ATRX: variants seen among roughly 807,000 people sequenced by gnomAD.
ATRX encodes the protein ATRX chromatin remodeler.
In ATRX, 12 loss-of-function variants were observed where a neutral mutation model predicts 172.6. The observed-to-expected ratio is 0.07, with a 90% CI of 0.04 to 0.11. The LOEUF (loss-of-function observed/expected upper bound fraction) is 0.11, where lower values mean the gene tolerates loss of function less well. Ranked by LOEUF, ATRX falls within the 10% of genes least tolerant of loss-of-function variation. The probability of loss-of-function intolerance (pLI) is 1.00; values close to 1 mark genes in which losing one functional copy is unlikely to be tolerated. For missense variants in ATRX, 1,368 were observed against 1,767.4 expected (o/e 0.77, Z 4.05); for synonymous variants, 674 against 594.7 (o/e 1.13, Z -1.94).
intron 1 of ATRX, among the ~76,000 whole-genome samples, chrX:77,737,733 C>T (rs1184566198): frequency 9.1e-6 from 1 of 110,495 alleles, no homozygotes; most frequent in Non-Finnish European, 1.9e-5. Flanking sequence ...TATACACCTA[C>T]TATGTACCCA....
intron 21 of ATRX, among the ~76,000 whole-genome samples, chrX:77,617,440 A>T (rs782172018): frequency 4.5e-5 from 5 of 111,342 alleles, no homozygotes; most frequent in African/African-American, 1.3e-4. Flanking sequence ...GTCATGCCTC[A>T]GTATCTATGG....
Position 77,682,646 on chromosome X carries a change from G to A in ATRX, c.2610C>T (p.Thr870=), listed in dbSNP as rs782743152. ...MDNQGHKNLK[T]SQEGSSDDAE... ...CATCATCAGATGATCCTTCTTGTGA[G>A]GTCTTCAAATTTTTGTGCCCTTGAT... The change falls in exon 9 of 35, where the codon ACC becomes ACT. Residue 870 remains threonine (T), a synonymous_variant. Coordinates refer to ENST00000373344, the MANE Select transcript of ATRX (RefSeq NM_000489.6). 8.3e-7 allele frequency: 1 copy of A among 1,207,330 alleles called. No individual in the cohort carries two copies. Among genetic ancestry groups the A allele is most frequent in the Non-Finnish European group, 1.1e-6 (1 of 894,877 alleles).
chrX:77,738,730 ATT>A (rs2074718764), intron 1 of ATRX, among the ~76,000 whole-genome samples: 1 of 108,162 alleles, frequency 9.2e-6, no homozygotes, highest in Non-Finnish European at 1.9e-5. Context: ...CGCCCGGCTA[ATT>A]TTTATATTTT....
intron 15 of ATRX, among the ~76,000 whole-genome samples, chrX:77,639,575 G>A (rs956947618): frequency 9.0e-6 from 1 of 111,394 alleles, no homozygotes; most frequent in Non-Finnish European, 1.9e-5. Flanking sequence ...TAAGTGTGTG[G>A]TACATTTTAA....
At chrX:77,661,358 T>A (rs1179111336) in intron 12 of ATRX, among the ~76,000 whole-genome samples, 2 of 111,032 alleles carry the variant, frequency 1.8e-5, no homozygotes, top group Non-Finnish European at 3.8e-5. Context: ...ATACAAAAAA[T>A]TTAAAAATAA....
At chrX:77,599,897 G>T in intron 23 of ATRX, 77 bp from the exon 24 acceptor site, 1 of 857,889 alleles carries the variant, frequency 1.2e-6, no homozygotes, top group Non-Finnish European at 1.7e-6. Flanking sequence ...GTTCATTTAA[G>T]AATAAGTTAA....
chrX:77,644,653 G>C (rs1455540780), intron 15 of ATRX, among the ~76,000 whole-genome samples: 2 of 109,489 alleles, frequency 1.8e-5, no homozygotes, highest in African/African-American at 6.7e-5. Flanking sequence ...GCAGATTTGA[G>C]CAGGCAGAAG....
intron 10 of ATRX, chrX:77,674,959 A>C (rs915836274): frequency 1.8e-5 from 2 of 111,608 alleles, no homozygotes; most frequent in Non-Finnish European, 3.8e-5. Context: ...ATTTGTGTCC[A>C]CAATTAAGCT....
chrX:77,753,103 T>A (rs2075362557), intron 1 of ATRX, among the ~76,000 whole-genome samples: 1 of 111,479 alleles, frequency 9.0e-6, no homozygotes, highest in Admixed American at 9.6e-5. Context: ...CTCCTGGGCT[T>A]TTTTTGGTTG....
chrX:77,665,367 A>G (rs924754495), intron 10 of ATRX, among the ~76,000 whole-genome samples: 27 of 112,089 alleles, frequency 2.4e-4, no homozygotes, highest in African/African-American at 8.7e-4. Context: ...ACAGCAATAA[A>G]TAATCTCTAA....
intron 7 of ATRX, among the ~76,000 whole-genome samples, chrX:77,687,492 T>C (rs187218003): frequency 8.9e-6 from 1 of 111,946 alleles, no homozygotes; most frequent in East Asian, 2.8e-4. Context: ...GTCTTTCCAG[T>C]GGGACTGCAG....
At position 77,676,312 on chromosome X, in the gene ATRX, A is replaced by G. The variant is rs782109559; in HGVS notation, c.3737-14T>C. ...AGGCTTCATCTCCTTGAGGGAAAAA[A>G]GTGTACTTAAAATTAGCTTTAAATA... On this transcript the variant is annotated splice_polypyrimidine_tract_variant and intron_variant, in intron 9 of 34. Coordinates refer to ENST00000373344, the MANE Select transcript of ATRX (RefSeq NM_000489.6). The G allele has an allele frequency of 2.5e-6, 3 of 1,187,035 alleles. No homozygotes were observed. Among genetic ancestry groups the G allele is most frequent in the African/African-American group, 1.8e-5 (1 of 56,838 alleles).
At chrX:77,594,239 C>T (rs1318358845) in intron 25 of ATRX, 2 of 120,102 alleles carry the variant, frequency 1.7e-5, no homozygotes, top group African/African-American at 6.5e-5. Context: ...CCCAAACATA[C>T]TCCATGAGAC....
intron 2 of ATRX, among the ~76,000 whole-genome samples, chrX:77,716,301 TAAAA>T (rs35192332): frequency 5.3e-5 from 2 of 37,848 alleles, no homozygotes; most frequent in East Asian, 8.5e-4. Flanking sequence ...CTCGTCTCTT[TAAAA>T]AAAAAAAAAA....
At chrX:77,707,029 T>C (rs2072865133) in intron 2 of ATRX, among the ~76,000 whole-genome samples, 1 of 112,956 alleles carries the variant, frequency 8.9e-6, no homozygotes, top group Non-Finnish European at 1.9e-5. Flanking sequence ...AATGGAATGG[T>C]ATTCAGACTT....
intron 1 of ATRX, among the ~76,000 whole-genome samples, chrX:77,764,907 G>C (rs1221959997): frequency 8.9e-6 from 1 of 112,026 alleles, no homozygotes; most frequent in Non-Finnish European, 1.9e-5. Context: ...GTGTTGGCAG[G>C]GTGCGGTGGC....
chrX:77,698,885 T>C (rs1557151769), intron 2 of ATRX: 2 of 399,575 alleles, frequency 5.0e-6, no homozygotes, highest in South Asian at 5.7e-5. Context: ...TGTTGTAGTT[T>C]ATAAATATTG....
chrX:77,566,635 C>T (rs1473352433), intron 28 of ATRX, among the ~76,000 whole-genome samples: 2 of 111,133 alleles, frequency 1.8e-5, no homozygotes, highest in African/African-American at 6.6e-5. Flanking sequence ...CACCTGTAGT[C>T]CCAGCTACTT....
At chrX:77,698,515 G>T in intron 3 of ATRX, 59 bp downstream of exon 3, 1 of 1,049,790 alleles carries the variant, frequency 9.5e-7, no homozygotes, top group Non-Finnish European at 1.3e-6. Context: ...GCAATCTAAA[G>T]ACATATGCTC....
Sources: gnomAD v4.1 joint callset for allele counts (sites outside exome capture counted in the v4.1 genomes callset) on GRCh38, gnomAD v4.1.1 for gene constraint, MANE v1.5 for transcripts, NCBI Gene and HGNC (gene_info 2026-07-23, HGNC 2026-07-21) for gene names.